Variants in BMPR1A observed in about 807,000 individuals in gnomAD.
The protein encoded by BMPR1A is bone morphogenetic protein receptor type-1A.
In BMPR1A, 7 loss-of-function variants were observed where a neutral mutation model predicts 66.0. The observed-to-expected ratio is 0.11, with a 90% CI of 0.06 to 0.20. The LOEUF is 0.20. Ranked by LOEUF, BMPR1A falls within the 10% of genes least tolerant of loss-of-function variation. BMPR1A has a pLI of 1.00. For synonymous variants in BMPR1A, 200 were observed against 229.7 expected (o/e 0.87, Z 1.17); for missense variants, 408 against 669.1 (o/e 0.61, Z 4.31).
chr10:86,772,677 GAAT>G (rs1358959583), intron 1 of BMPR1A, among the ~76,000 whole-genome samples: 1 of 152,038 alleles, frequency 6.6e-6, no homozygotes, highest in African/African-American at 2.4e-5. Flanking sequence ...TAATGCTGCT[GAAT>G]AATAATAATA....
chr10:86,844,819 C>A (rs1034634314), intron 2 of BMPR1A, among the ~76,000 whole-genome samples: 1 of 152,088 alleles, frequency 6.6e-6, no homozygotes, highest in Non-Finnish European at 1.5e-5. Context: ...TCTTGTTGCC[C>A]AGGCTGGAGT....
chr10:86,793,419 A>G (rs1841660337), intron 1 of BMPR1A, among the ~76,000 whole-genome samples: 1 of 150,362 alleles, frequency 6.7e-6, no homozygotes, highest in Admixed American at 6.6e-5. Flanking sequence ...GCTGGAGTGC[A>G]ATGGCGTGAT....
chr10:86,762,765 T>TA (rs1414078806), intron 1 of BMPR1A, among the ~76,000 whole-genome samples: 1 of 152,206 alleles, frequency 6.6e-6, no homozygotes, highest in East Asian at 1.9e-4. Context: ...CAGGGAATGT[T>TA]ACAAGACTGA....
chr10:86,772,169 C>T (rs182958319), intron 1 of BMPR1A, among the ~76,000 whole-genome samples: 4 of 119,120 alleles, frequency 3.4e-5, no homozygotes, highest in Middle Eastern at 8.3e-3. Context: ...CTTTCTCTGT[C>T]GCCCAGGCTG....
intron 1 of BMPR1A, among the ~76,000 whole-genome samples, chr10:86,781,347 G>A (rs975128032): frequency 6.6e-6 from 1 of 152,104 alleles, no homozygotes; most frequent in East Asian, 1.9e-4. Context: ...CTGTAGATAG[G>A]TAGATTAATT....
chr10:86,924,087 G>T lies in BMPR1A; in HGVS notation c.*368G>T. ...CTGTGAAAGCCTTAAGAAGATAAAT[G>T]AGCGCAGCAGAGATGGAGAAATAGA... is the stretch of plus-strand genomic sequence containing the variant. On this transcript the variant is annotated 3_prime_UTR_variant, in exon 13 of 13. Transcript: ENST00000372037. 2.6e-6 allele frequency: 1 copy of T among 391,110 alleles called. No homozygotes were observed. The highest frequency in any genetic ancestry group is 4.7e-6 in the Non-Finnish European group (1 of 210,624). The allele number at this position is 391,110 out of a possible 1,614,324, so 24.2% of individuals were successfully genotyped here.
chr10:86,928,505 T>C (rs1036731168), downstream of BMPR1A: 3 of 152,088 alleles, frequency 2.0e-5, no homozygotes, highest in African/African-American at 4.8e-5. Context: ...CTTACAGGCA[T>C]GAGCCACCAT....
intron 5 of BMPR1A, among the ~76,000 whole-genome samples, chr10:86,897,501 T>G (rs760812625): frequency 6.6e-6 from 1 of 152,200 alleles, no homozygotes; most frequent in African/African-American, 2.4e-5. Flanking sequence ...CATCTGGGAT[T>G]CATGTCAAGC....
At chr10:86,777,895 C>G (rs1050192368) in intron 1 of BMPR1A, among the ~76,000 whole-genome samples, 1 of 151,852 alleles carries the variant, frequency 6.6e-6, no homozygotes, top group Admixed American at 6.6e-5. Context: ...TGCATGTAAT[C>G]TCATCTACCG....
At chr10:86,835,141 A>AGGAG (rs945361490) in intron 1 of BMPR1A, among the ~76,000 whole-genome samples, 1 of 151,414 alleles carries the variant, frequency 6.6e-6, no homozygotes, top group African/African-American at 2.4e-5. Context: ...AGGCTAAAGC[A>AGGAG]GGAGGATCCT....
intron 7 of BMPR1A, among the ~76,000 whole-genome samples, chr10:86,904,898 T>C (rs1843363553): frequency 1.3e-5 from 2 of 152,232 alleles, no homozygotes; most frequent in African/African-American, 2.4e-5. Context: ...TAGAACTTCA[T>C]GTGCTAGTTC....
intron 2 of BMPR1A, among the ~76,000 whole-genome samples, chr10:86,863,703 G>T (rs1268652044): frequency 6.6e-6 from 1 of 152,088 alleles, no homozygotes; most frequent in East Asian, 1.9e-4. Context: ...GAGTGACTTT[G>T]TCACTGCAGG....
intron 1 of BMPR1A, among the ~76,000 whole-genome samples, chr10:86,837,259 G>GTC (rs1842366074): frequency 1.3e-5 from 2 of 151,566 alleles, no homozygotes; most frequent in African/African-American, 2.4e-5. Context: ...GTGTGTGTGT[G>GTC]TGTGTGTGTG....
At chr10:86,894,782 G>A (rs1165681770) in intron 5 of BMPR1A, among the ~76,000 whole-genome samples, 1 of 152,200 alleles carries the variant, frequency 6.6e-6, no homozygotes, top group Non-Finnish European at 1.5e-5. Context: ...ATAGATGTTA[G>A]CTTTGACCAT....
intron 1 of BMPR1A, among the ~76,000 whole-genome samples, chr10:86,773,605 A>G (rs1340723890): frequency 2.0e-5 from 3 of 151,158 alleles, no homozygotes; most frequent in East Asian, 1.9e-4. Context: ...AAGAAAAAAA[A>G]AAAAAAAAAA....
chr10:86,899,664 T>C, intron 5 of BMPR1A, 130 bp from the exon 6 acceptor site: 1 of 918,790 alleles, frequency 1.1e-6, no homozygotes, highest in Non-Finnish European at 1.7e-6. Context: ...TTCAATAATC[T>C]GTTTTTACAT....
chr10:86,778,293 A>G (rs1281456421), intron 1 of BMPR1A, among the ~76,000 whole-genome samples: 1 of 151,356 alleles, frequency 6.6e-6, no homozygotes, highest in East Asian at 1.9e-4. Flanking sequence ...TGTTTTATTT[A>G]ATTTTTTTAT....
intron 9 of BMPR1A, 113 bp downstream of exon 9, chr10:86,917,439 A>G (rs911219954): frequency 3.1e-6 from 4 of 1,288,458 alleles, no homozygotes; most frequent in Non-Finnish European, 4.4e-6. Context: ...ACATTTGGCT[A>G]AAGGAAACCT....
At position 86,892,248 on chromosome 10, in the gene BMPR1A, C is replaced by T. The variant is rs745431046; in HGVS notation, c.333+19C>T. The T allele has an allele frequency of 1.9e-6, 3 of 1,594,222 alleles. No individual in the cohort carries two copies. Among genetic ancestry groups the T allele is most frequent in the African/African-American group, 2.7e-5 (2 of 74,398 alleles). ...GTGCAAAGTAAGATATAATTTGGGA[C>T]CCATGAGACAAAGAAGGGAGGGGCC... On this transcript the variant is annotated intron_variant, in intron 5 of 12. Transcript: ENST00000372037.
Sources: gnomAD v4.1 joint callset for allele counts (sites outside exome capture counted in the v4.1 genomes callset) on GRCh38, gnomAD v4.1.1 for gene constraint, MANE v1.5 for transcripts, NCBI Gene and HGNC (gene_info 2026-07-23, HGNC 2026-07-21) for gene names.